PLSCR3: variants seen among roughly 807,000 people sequenced by gnomAD.
PLSCR3 encodes PL scramblase 3.
In PLSCR3, 17 loss-of-function variants were observed where a neutral mutation model predicts 33.7. The ratio of observed to expected loss-of-function variants is 0.50; its 90% CI spans 0.35 to 0.76. The LOEUF is 0.76. Ranked by LOEUF, PLSCR3 falls within the 30% of genes least tolerant of loss-of-function variation. The probability of loss-of-function intolerance (pLI) is 0.01; values close to 1 mark genes in which losing one functional copy is unlikely to be tolerated. For synonymous variants in PLSCR3, 166 were observed against 166.0 expected (o/e 1.00, Z 0.00); for missense variants, 360 against 394.1 (o/e 0.91, Z 0.73).
Position 7,394,087 on chromosome 17 carries a change from G to A in PLSCR3, c.7+17C>T, listed in dbSNP as rs977818423. The A allele has an allele frequency of 3.7e-6, 6 of 1,613,116 alleles. No homozygotes were observed. In the African/African-American group the frequency reaches 5.3e-5, roughly 14 times the overall value. ...GTGGGGGGGATAACGGAGACCCCCA[G>A]ACTTGCGCGCACTTACCTGCCATGG... On this transcript the variant is annotated intron_variant, in intron 2 of 7. Coordinates refer to ENST00000619711, the MANE Select transcript of PLSCR3 (RefSeq NM_020360.4). The surrounding 1 kb of genome is among the most constrained non-coding windows in gnomAD (Gnocchi z 5.3).
At chr17:7,392,397 A>C (rs1905780781) in intron 6 of PLSCR3, among the ~76,000 whole-genome samples, 1 of 152,186 alleles carries the variant, frequency 6.6e-6, no homozygotes, top group Non-Finnish European at 1.5e-5. Context: ...CTATTTTAGC[A>C]GGGCAGGCCA....
At chr17:7,392,196 A>C (rs950413379) in intron 6 of PLSCR3, among the ~76,000 whole-genome samples, 1 of 151,998 alleles carries the variant, frequency 6.6e-6, no homozygotes, top group Non-Finnish European at 1.5e-5. Context: ...AAAACAAACA[A>C]ACAAAAAACA....
Position 7,392,862 on chromosome 17 carries a change from C to T in PLSCR3, c.598G>A (p.Asp200Asn), listed in dbSNP as rs752462957. 2.0e-5 allele frequency: 33 copies of T among 1,613,968 alleles called. No individual in the cohort carries two copies. The highest frequency in any genetic ancestry group is 1.6e-4 in the Middle Eastern group (1 of 6,084). ...FLPKFSIQDA[D>N]RQTVLRVVGP... Reference sequence around the variant, plus strand: ...ACCACTCGCAAGACTGTCTGGCGATCGGCATCCTGGATGGAGAACTTGGGG... The same window carrying T: ...ACCACTCGCAAGACTGTCTGGCGATTGGCATCCTGGATGGAGAACTTGGGG... The change falls in exon 6 of 8, where the codon GAT becomes AAT. Residue 200 changes from aspartate (D) to asparagine (N), a missense_variant. Coordinates refer to ENST00000619711, the MANE Select transcript of PLSCR3 (RefSeq NM_020360.4).
intron 2 of PLSCR3, 34 bp from the exon 3 acceptor site, chr17:7,393,870 G>A (rs753321461): frequency 2.8e-5 from 36 of 1,299,478 alleles, no homozygotes; most frequent in Middle Eastern, 2.0e-4. Context: ...AGATTAGAAA[G>A]GGACTCAAGG....
intron 6 of PLSCR3, 75 bp downstream of exon 6, chr17:7,392,716 A>T: frequency 7.1e-7 from 1 of 1,408,116 alleles, no homozygotes. Context: ...CTTGACCTTA[A>T]TGTTAACTAT....
At chr17:7,392,629 G>A (rs1245903734) in intron 6 of PLSCR3, among the ~76,000 whole-genome samples, 162 bp downstream of exon 6, 1 of 152,160 alleles carries the variant, frequency 6.6e-6, no homozygotes, top group Non-Finnish European at 1.5e-5. Context: ...AGAGCACAGG[G>A]CCATCCTATT....
chr17:7,393,325 C>G lies in PLSCR3; in HGVS notation c.326G>C (p.Arg109Pro). Residue 109 changes from arginine to proline, a missense_variant, in exon 5 of 8, where the codon CGC (arginine) becomes CCC (proline). Physicochemically the swap from Arg to Pro is moderately radical, Grantham distance 103 (BLOSUM62 -2). Transcript: ENST00000619711. ...GWETCNRYEL[R>P]SGAGQPLGQA... ...ACCCAGGGGCTGCCCGGCCCCAGAG[C>G]GCAGTTCATACCGATTACAGGTCTC... The G allele has an allele frequency of 6.2e-7, 1 of 1,612,294 alleles. No homozygotes were observed. Among genetic ancestry groups the G allele is most frequent in the Non-Finnish European group, 8.5e-7 (1 of 1,179,920 alleles).
chr17:7,393,225 G>A lies in PLSCR3; in HGVS notation c.426C>T (p.Ala142=), dbSNP rs1334102731. 1 of 1,577,560 alleles carries A rather than the reference G, an allele frequency of 6.3e-7. No homozygotes were observed. The highest frequency in any genetic ancestry group is 1.1e-5 in the South Asian group (1 of 89,538). ...GCAGCACCTCACGGTCCCCGGGGTCGGCCAGGCGGACACGCAGCGGCCGGC... is the reference window on the plus strand; with the variant it reads ...GCAGCACCTCACGGTCCCCGGGGTCAGCCAGGCGGACACGCAGCGGCCGGC... ...GARRPLRVRL[A]DPGDREVLRL... Residue 142 remains alanine (A), a synonymous_variant, in exon 5 of 8, where the codon GCC becomes GCT. Coordinates refer to ENST00000619711, the MANE Select transcript of PLSCR3 (RefSeq NM_020360.4).
rs1905524771 is a variant in PLSCR3, at chr17:7,390,065, TGG to T, written c.*318_*319del. On this transcript the variant is annotated 3_prime_UTR_variant, in exon 8 of 8. Transcript: ENST00000619711. ...GCCCTCTTGTAAAACCCCAGAGTCC[TGG>T]GTTCCAGAGGCCTCCTTTGGAGCAG... is the stretch of plus-strand genomic sequence containing the variant. 9.8e-5 allele frequency: 26 copies of T among 264,538 alleles called. No homozygotes were observed. The highest frequency in any genetic ancestry group is 1.3e-3 in the Middle Eastern group (1 of 798). 16.4% of individuals were successfully genotyped at this position (264,538 alleles called of 1,614,324 possible). A position where few individuals can be genotyped will look rare whatever the true frequency, so the allele number is the denominator to read the frequency against.
rs1406011530 is a variant in PLSCR3 at position 7,393,589 on chromosome 17, C to T, written c.243+12G>A. 2 of 1,613,514 alleles carry T rather than the reference C, an allele frequency of 1.2e-6. No homozygotes were observed. The highest frequency in any genetic ancestry group is 3.3e-5 in the Admixed American group (2 of 60,030). ...CCCTCCCAGTCATCCTCCCTCCCTC[C>T]TTCCCACTCACCTGCACCAGGAATT... On this transcript the variant is annotated intron_variant, in intron 3 of 7. Transcript: ENST00000619711.
intron 6 of PLSCR3, 112 bp from the exon 7 acceptor site, chr17:7,390,907 G>C: frequency 1.9e-6 from 2 of 1,052,448 alleles, no homozygotes; most frequent in Non-Finnish European, 2.9e-6. Context: ...TCCACTCAGT[G>C]AATCTTCCCC....
In PLSCR3 at chr17:7,393,649, G is replaced by A. The variant is rs531762972; in HGVS notation, c.195C>T (p.Pro65=). The A allele has an allele frequency of 8.1e-6, 13 of 1,609,612 alleles. No individual in the cohort carries two copies. The African/African-American group carries it at 1.3e-4, about 17-fold the overall frequency. ...AAGGCACCCCTGGCAGTGGCAAGAA[G>A]GGGGCAGCAGACCCCAAGGCCACGG... The part of the protein sequence containing the change: ...PGPVALGSAA[P]FLPLPGVPSG... The change falls in exon 3 of 8, where the codon CCC becomes CCT. Residue 65 remains proline (P), a synonymous_variant. Transcript: ENST00000619711.
rs1447606588 is a variant in PLSCR3 at position 7,391,548 on chromosome 17, C to G, written c.670-753G>C. Among the ~76,000 whole-genome samples, 1 of 152,192 alleles carries G rather than the reference C, an allele frequency of 6.6e-6. No homozygotes were observed. The highest frequency in any genetic ancestry group is 1.5e-5 in the Non-Finnish European group (1 of 68,028). The stretch of plus-strand genomic sequence containing the variant: ...CCAGTGATTAGAACTGCAGTGATTT[C>G]CTTTTGTGCCATTCCCATCCCCTTC... On this transcript the variant is annotated intron_variant, in intron 6 of 7. Coordinates refer to ENST00000619711, the MANE Select transcript of PLSCR3 (RefSeq NM_020360.4). This position sits in a 1 kb window ranked among gnomAD's most constrained non-coding sequence, Gnocchi z 4.1.
chr17:7,393,308 G>T lies in PLSCR3; in HGVS notation c.343C>A (p.Pro115Thr), dbSNP rs764423691. Residue 115 changes from proline (P) to threonine (T), a missense_variant, in exon 5 of 8, where the codon CCC becomes ACC. Transcript: ENST00000619711. ...RYELRSGAGQ[P>T]LGQAAEESNC... ...CTCTCCTCGGCCGCCTGACCCAGGG[G>T]CTGCCCGGCCCCAGAGCGCAGTTCA... 4 of 1,611,112 alleles carry T rather than the reference G, an allele frequency of 2.5e-6. No homozygotes were observed. The South Asian group carries it at 4.4e-5, about 18-fold the overall frequency.
At chr17:7,390,476 TGGGCCAGCCCAGCTTGGCTGTCAC>T (rs1039313046) in intron 7 of PLSCR3, 35 bp from the exon 8 acceptor site, 1 of 1,586,306 alleles carries the variant, frequency 6.3e-7, no homozygotes, top group African/African-American at 1.3e-5. Flanking sequence ...GAGATCCGGC[TGGGCCAGCCCAGCTTGGCTGTCAC>T]AGGCCAGCTC....
chr17:7,390,837 C>T (rs750014602), intron 6 of PLSCR3, 42 bp from the exon 7 acceptor site: 2 of 1,603,220 alleles, frequency 1.2e-6, no homozygotes, highest in East Asian at 2.2e-5. Flanking sequence ...GAGGAGGAGG[C>T]AGCCAGTCTC....
Position 7,393,688 on chromosome 17 carries a change from G to A in PLSCR3, c.156C>T (p.Phe52=), listed in dbSNP as rs760298352. Residue 52 remains phenylalanine, a synonymous_variant, in exon 3 of 8, where the codon TTC becomes TTT. Coordinates refer to ENST00000619711, the MANE Select transcript of PLSCR3 (RefSeq NM_020360.4). ...CCAAGGCCACGGGGCCAGGCGAGGGGAAGAGGGCGAAGCCGGGAGCTGGGG... is the reference window on the plus strand; with the variant it reads ...CCAAGGCCACGGGGCCAGGCGAGGGAAAGAGGGCGAAGCCGGGAGCTGGGG... ...VPAPAPGFAL[F]PSPGPVALGS... 126 of 1,580,222 alleles carry A rather than the reference G, an allele frequency of 8.0e-5. No homozygotes were observed. Among genetic ancestry groups the A allele is most frequent in the South Asian group, 2.2e-4 (20 of 88,922 alleles).
Position 7,390,316 on chromosome 17 carries a change from G to C in PLSCR3, c.*69C>G. On this transcript the variant is annotated 3_prime_UTR_variant, in exon 8 of 8. Coordinates refer to ENST00000619711, the MANE Select transcript of PLSCR3 (RefSeq NM_020360.4). The stretch of plus-strand genomic sequence containing the variant: ...CATGGAGGAAAGGGGCTGCCCAGAG[G>C]AGGGGCCAGGGCAGGTGACCATCTG... 8.1e-7 allele frequency: 1 copy of C among 1,233,092 alleles called. No homozygotes were observed. The highest frequency in any genetic ancestry group is 1.1e-6 in the Non-Finnish European group (1 of 879,488). 76.4% of individuals were successfully genotyped at this position (1,233,092 alleles called of 1,614,324 possible).
chr17:7,390,306 C>A lies in PLSCR3; in HGVS notation c.*79G>T. On this transcript the variant is annotated 3_prime_UTR_variant, in exon 8 of 8. Transcript: ENST00000619711. ...CTGCAGTGTACATGGAGGAAAGGGG[C>A]TGCCCAGAGGAGGGGCCAGGGCAGG... 1 of 1,145,628 alleles carries A rather than the reference C, an allele frequency of 8.7e-7. No homozygotes were observed. Among genetic ancestry groups the A allele is most frequent in the Middle Eastern group, 2.3e-4 (1 of 4,442 alleles). The allele number at this position is 1,145,628 out of a possible 1,614,324, so 71.0% of individuals were successfully genotyped here.
Sources: allele counts gnomAD v4.1 joint callset (sites outside exome capture counted in the v4.1 genomes callset), GRCh38; gene constraint gnomAD v4.1.1; non-coding constraint Gnocchi (gnomAD v3.1); transcripts MANE v1.5; gene names NCBI Gene and HGNC (gene_info 2026-07-23, HGNC 2026-07-21).